The following C21orf58 variants were observed in gnomAD, a reference collection of about 807,000 sequenced individuals.
C21orf58 encodes chromosome 21 open reading frame 58.
Under a neutral mutation model 35.8 loss-of-function variants are expected in C21orf58, and 34 were observed. The ratio of observed to expected loss-of-function variants is 0.95; its 90% CI spans 0.72 to 1.26. The LOEUF (loss-of-function observed/expected upper bound fraction) is 1.26, where lower values mean the gene tolerates loss of function less well. C21orf58 is among the 50% of genes most tolerant of loss of function. The pLI, the probability that C21orf58 is intolerant of heterozygous loss-of-function variation, is 0.00. For missense variants in C21orf58, 440 were observed against 414.3 expected (o/e 1.06, Z -0.54); for synonymous variants, 191 against 175.8 (o/e 1.09, Z -0.68).
At position 46,301,730 on chromosome 21, in the gene C21orf58, G is replaced by T; in HGVS notation, c.*269C>A. The stretch of plus-strand genomic sequence containing the variant: ...GGCGCCGCCCTACAGGAAAGGAGGG[G>T]TCCCTGGGAGGGGCTGTTGCCCTGG... On this transcript the variant is annotated 3_prime_UTR_variant, in exon 8 of 8. Coordinates refer to ENST00000291691, the MANE Select transcript of C21orf58 (RefSeq NM_058180.5). The T allele has an allele frequency of 8.3e-7, 1 of 1,205,706 alleles. No individual in the cohort carries two copies. Among genetic ancestry groups the T allele is most frequent in the Non-Finnish European group, 1.0e-6 (1 of 971,524 alleles). The allele number at this position is 1,205,706 out of a possible 1,614,324, so 74.7% of individuals were successfully genotyped here. A position where few individuals can be genotyped will look rare whatever the true frequency, so the allele number is the denominator to read the frequency against.
intron 2 of C21orf58, 46 bp downstream of exon 2, chr21:46,317,965 CA>C (rs2083037900): frequency 6.2e-7 from 1 of 1,602,042 alleles, no homozygotes; most frequent in Non-Finnish European, 8.5e-7. Flanking sequence ...TCCAACGCCA[CA>C]GCCTGCGAGT....
At chr21:46,317,069 TGAG>T in intron 3 of C21orf58, 136 bp downstream of exon 3, 1 of 690,968 alleles carries the variant, frequency 1.4e-6, no homozygotes, top group Non-Finnish European at 2.4e-6. Context: ...GGAAAAGCGT[TGAG>T]GACAATCTCG....
At chr21:46,304,307 G>A (rs1402322732) in intron 6 of C21orf58, among the ~76,000 whole-genome samples, 2 of 151,980 alleles carry the variant, frequency 1.3e-5, no homozygotes, top group Non-Finnish European at 2.9e-5. Flanking sequence ...TGGGATTACA[G>A]GCGTGAGCCA....
Position 46,318,009 on chromosome 21 carries a change from C to T in C21orf58, c.309+3G>A, listed in dbSNP as rs1229863207. ...AACAGGAGCATCCCGGGCTCTGCCT[C>T]ACCTGTCCCAAGAGCTTCAGCGTCA... On this transcript the variant is annotated splice_donor_region_variant and intron_variant, in intron 2 of 7. Coordinates refer to ENST00000291691, the MANE Select transcript of C21orf58 (RefSeq NM_058180.5). 1.2e-6 allele frequency: 2 copies of T among 1,613,226 alleles called. No homozygotes were observed. Among genetic ancestry groups the T allele is most frequent in the African/African-American group, 1.3e-5 (1 of 75,066 alleles).
In C21orf58 at chr21:46,321,684, G is replaced by C. The variant is rs139761233; in HGVS notation, c.100+955C>G. ...TGCCACTGTCACCCCATCACATCAG[G>C]GACACACACTGTCACCTCGACTATA... On this transcript the variant is annotated intron_variant, in intron 1 of 7. Transcript: ENST00000291691. Among the ~76,000 whole-genome samples, 4 of 152,206 alleles carry C rather than the reference G, an allele frequency of 2.6e-5. No individual in the cohort carries two copies. In the East Asian group the frequency reaches 7.7e-4, roughly 29 times the overall value.
At chr21:46,322,556 C>T in intron 1 of C21orf58, 83 bp downstream of exon 1, 3 of 1,351,498 alleles carry the variant, frequency 2.2e-6, no homozygotes, top group Non-Finnish European at 2.9e-6. Flanking sequence ...GGCCCCTGCT[C>T]TAATGAGCCC....
intron 1 of C21orf58, among the ~76,000 whole-genome samples, chr21:46,321,204 C>T (rs551449144): frequency 6.1e-4 from 92 of 152,026 alleles, no homozygotes; most frequent in Non-Finnish European, 1.1e-3. Flanking sequence ...AGTCTCGCTG[C>T]GACGCCCAGG....
chr21:46,306,120 T>C (rs371865017), intron 6 of C21orf58, among the ~76,000 whole-genome samples: 1 of 151,334 alleles, frequency 6.6e-6, no homozygotes, highest in Admixed American at 6.6e-5. Flanking sequence ...CTGGATTATC[T>C]GGGCAAGCCC....
intron 6 of C21orf58, among the ~76,000 whole-genome samples, chr21:46,304,134 C>A (rs2082311370): frequency 7.0e-6 from 1 of 142,508 alleles, no homozygotes; most frequent in African/African-American, 2.6e-5. Flanking sequence ...TCATGCCATT[C>A]TCCCACCTTA....
At chr21:46,320,878 T>C (rs1028315266) in intron 1 of C21orf58, 1 of 152,228 alleles carries the variant, frequency 6.6e-6, no homozygotes, top group African/African-American at 2.4e-5. Flanking sequence ...TATACTATTA[T>C]GTATGGTTTG....
chr21:46,311,164 C>T (rs573216537), intron 6 of C21orf58, among the ~76,000 whole-genome samples: 104 of 152,182 alleles, frequency 6.8e-4, no homozygotes, highest in African/African-American at 2.2e-3. Flanking sequence ...GCCACCGAGC[C>T]GGGCCCTAAA....
At position 46,315,655 on chromosome 21, in the gene C21orf58, C is replaced by T. The variant is rs543823697; in HGVS notation, c.371-108G>A. On this transcript the variant is annotated intron_variant, in intron 3 of 7. Transcript: ENST00000291691. ...ATGTCGGAAGGCCCTGCCTCACCCA[C>T]ACTCCCAGGATGGGGGAGGCCTGGG... is the stretch of plus-strand genomic sequence containing the variant. The T allele has an allele frequency of 1.5e-3, 1,132 of 742,128 alleles. 1 individual carries two copies. The highest frequency in any genetic ancestry group is 2.4e-3 in the Non-Finnish European group (976 of 412,270). The allele number at this position is 742,128 out of a possible 1,614,324, so 46.0% of individuals were successfully genotyped here. A position where few individuals can be genotyped will look rare whatever the true frequency, so the allele number is the denominator to read the frequency against.
At chr21:46,302,458 T>C in intron 7 of C21orf58, 27 bp downstream of exon 7, 1 of 1,553,316 alleles carries the variant, frequency 6.4e-7, no homozygotes, top group East Asian at 2.3e-5. Flanking sequence ...TTCCTTGGCC[T>C]AGGGTTCTGC....
chr21:46,304,023 T>G (rs1336710912), intron 6 of C21orf58, among the ~76,000 whole-genome samples: 51 of 92,856 alleles, frequency 5.5e-4, no homozygotes, highest in Non-Finnish European at 1.1e-3. Context: ...AGTGCTGGTT[T>G]TTTTTTTTTT....
chr21:46,309,461 C>CAAA (rs1231165345), intron 6 of C21orf58, among the ~76,000 whole-genome samples: 1 of 90,284 alleles, frequency 1.1e-5, no homozygotes, highest in Non-Finnish European at 2.2e-5. Context: ...GACTCCGTCT[C>CAAA]AAAAAAAAAA....
intron 1 of C21orf58, among the ~76,000 whole-genome samples, chr21:46,319,636 T>C (rs74888598): frequency 6.6e-6 from 1 of 152,160 alleles, no homozygotes; most frequent in Non-Finnish European, 1.5e-5. Flanking sequence ...CGGTGGCTCA[T>C]GCCTGTAATC....
chr21:46,316,392 G>A (rs751128532), intron 3 of C21orf58, among the ~76,000 whole-genome samples: 28 of 152,288 alleles, frequency 1.8e-4, no homozygotes, highest in Non-Finnish European at 3.5e-4. Context: ...AGAGGCGGAG[G>A]TTGCAGTGAT....
intron 1 of C21orf58, 55 bp downstream of exon 1, chr21:46,322,584 C>A: frequency 7.0e-7 from 1 of 1,423,210 alleles, no homozygotes; most frequent in South Asian, 1.6e-5. Context: ...AGAGTTTGCT[C>A]AAACCACCCA....
intron 1 of C21orf58, among the ~76,000 whole-genome samples, chr21:46,321,250 C>T (rs1374106618): frequency 6.6e-6 from 1 of 152,092 alleles, no homozygotes; most frequent in Admixed American, 6.5e-5. Flanking sequence ...CTCACTGCAA[C>T]CTCTGCTTCC....
Sources: allele counts gnomAD v4.1 joint callset (sites outside exome capture counted in the v4.1 genomes callset), GRCh38; gene constraint gnomAD v4.1.1; transcripts MANE v1.5; gene names NCBI Gene and HGNC (gene_info 2026-07-23, HGNC 2026-07-21).